The following HTR4 variants were observed in gnomAD, a reference collection of about 807,000 sequenced individuals.
The protein encoded by HTR4 is 5-hydroxytryptamine receptor 4, also known as 5-hydroxytryptamine (serotonin) receptor 4, G protein-coupled.
In HTR4, 16 loss-of-function variants were observed where a neutral mutation model predicts 36.8. That is an observed-to-expected ratio of 0.43 (90% CI 0.29 to 0.66). The LOEUF is 0.66. Ranked by LOEUF, HTR4 falls within the 30% of genes least tolerant of loss-of-function variation. The probability of loss-of-function intolerance (pLI) is 0.13; values close to 1 mark genes in which losing one functional copy is unlikely to be tolerated. For missense variants in HTR4, 438 were observed against 490.9 expected, an observed-to-expected ratio of 0.89 and a Z score of 1.02; for synonymous variants, 189 against 185.1, an observed-to-expected ratio of 1.02 and a Z score of -0.17.
intron 2 of HTR4, among the ~76,000 whole-genome samples, chr5:148,601,622 G>A (rs973395682): frequency 6.6e-5 from 10 of 152,186 alleles, no homozygotes; most frequent in African/African-American, 2.2e-4. Context: ...GCAACACAGT[G>A]AAACCTTCTC....
At chr5:148,618,146 C>T (rs1390404554) in intron 2 of HTR4, among the ~76,000 whole-genome samples, 2 of 152,130 alleles carry the variant, frequency 1.3e-5, no homozygotes, top group Non-Finnish European at 2.9e-5. Context: ...CCTTCTGAAC[C>T]AATCACTGTA....
intron 2 of HTR4, among the ~76,000 whole-genome samples, chr5:148,577,870 T>C (rs998421593): frequency 2.6e-5 from 4 of 151,932 alleles, no homozygotes; most frequent in Non-Finnish European, 4.4e-5. Context: ...TATTGGGTGC[T>C]GGGTTTAATT....
intron 2 of HTR4, among the ~76,000 whole-genome samples, chr5:148,572,594 C>G (rs1760719480): frequency 6.6e-6 from 1 of 152,120 alleles, no homozygotes; most frequent in Non-Finnish European, 1.5e-5. Context: ...CTTCAATGAG[C>G]TTGTGCTCTG....
chr5:148,468,883 T>C (rs186523151), intron 5 of HTR4, among the ~76,000 whole-genome samples: 8 of 152,130 alleles, frequency 5.3e-5, no homozygotes, highest in Non-Finnish European at 1.0e-4. Context: ...TCATGAGATC[T>C]GATAGTTTTA....
At chr5:148,586,754 C>A (rs1487889478) in intron 2 of HTR4, among the ~76,000 whole-genome samples, 1 of 151,996 alleles carries the variant, frequency 6.6e-6, no homozygotes, top group Non-Finnish European at 1.5e-5. Context: ...GTAGACAGGG[C>A]GAAGTTGGGG....
chr5:148,490,807 T>C, intron 6 of HTR4: 1 of 819,366 alleles, frequency 1.2e-6, no homozygotes, highest in Non-Finnish European at 1.8e-6. Flanking sequence ...CTCCCTCACA[T>C]TATGCAGAAG....
At chr5:148,472,228 A>G (rs1755586421), downstream of HTR4, among the ~76,000 whole-genome samples, 1 of 152,220 alleles carries the variant, frequency 6.6e-6, no homozygotes, top group Non-Finnish European at 1.5e-5. Context: ...GACTGGCATA[A>G]CAAGCCCTGA....
At chr5:148,595,450 C>T (rs76101242) in intron 2 of HTR4, among the ~76,000 whole-genome samples, 2,522 of 152,222 alleles carry the variant, frequency 0.017, 121 homozygotes, top group East Asian at 0.11. Flanking sequence ...CTGCTTCATC[C>T]CATTTTCCTC....
At chr5:148,528,625 TTGTC>T (rs1758402061) in intron 4 of HTR4, among the ~76,000 whole-genome samples, 1 of 152,184 alleles carries the variant, frequency 6.6e-6, no homozygotes, top group Non-Finnish European at 1.5e-5. Flanking sequence ...ATTTTAATAT[TTGTC>T]TGTAGATAAG....
At chr5:148,516,368 G>T (rs1757753466) in intron 5 of HTR4, among the ~76,000 whole-genome samples, 1 of 133,746 alleles carries the variant, frequency 7.5e-6, no homozygotes, top group South Asian at 2.3e-4. Context: ...CACCCAGGCT[G>T]GAGTGCAATG....
intron 2 of HTR4, among the ~76,000 whole-genome samples, chr5:148,591,101 C>G (rs1761550226): frequency 6.6e-6 from 1 of 152,070 alleles, no homozygotes; most frequent in Non-Finnish European, 1.5e-5. Flanking sequence ...TTACCCATTG[C>G]TTGTTTTTGT....
chr5:148,650,046 T>C (rs1366248281), intron 1 of HTR4, among the ~76,000 whole-genome samples: 8 of 152,010 alleles, frequency 5.3e-5, no homozygotes, highest in African/African-American at 1.9e-4. Context: ...TAAGTTTTAA[T>C]TTGTAATTTT....
intron 2 of HTR4, among the ~76,000 whole-genome samples, chr5:148,562,448 G>A (rs1760258230): frequency 2.6e-5 from 4 of 152,062 alleles, no homozygotes; most frequent in East Asian, 1.9e-4. Context: ...GGTTGACCAC[G>A]CCAGAAACTG....
intron 6 of HTR4, among the ~76,000 whole-genome samples, chr5:148,499,481 G>C (rs1191175736): frequency 6.6e-6 from 1 of 152,138 alleles, no homozygotes; most frequent in Non-Finnish European, 1.5e-5. Flanking sequence ...GAATTTTACA[G>C]TTATTTTTAT....
intron 3 of HTR4, among the ~76,000 whole-genome samples, chr5:148,549,415 T>C (rs1160621074): frequency 6.6e-6 from 1 of 152,170 alleles, no homozygotes; most frequent in East Asian, 1.9e-4. Context: ...ATTAGATGTG[T>C]GGATGTCTTA....
chr5:148,469,771 A>C (rs968015412), intron 5 of HTR4, among the ~76,000 whole-genome samples: 1 of 152,210 alleles, frequency 6.6e-6, no homozygotes, highest in Non-Finnish European at 1.5e-5. Flanking sequence ...TAGGATGCAA[A>C]GTATATCATT....
At chr5:148,523,943 G>A (rs968438464) in intron 4 of HTR4, among the ~76,000 whole-genome samples, 3 of 151,608 alleles carry the variant, frequency 2.0e-5, no homozygotes, top group Non-Finnish European at 2.9e-5. Flanking sequence ...TCTCAGATTT[G>A]TCCCCTTACC....
chr5:148,537,136 T>C (rs1024564045), intron 4 of HTR4, among the ~76,000 whole-genome samples: 5 of 152,138 alleles, frequency 3.3e-5, no homozygotes, highest in African/African-American at 4.8e-5. Context: ...TCCTGAATGA[T>C]GTGTGGGTAA....
chr5:148,598,783 A>G (rs1201807823), intron 2 of HTR4, among the ~76,000 whole-genome samples: 20 of 152,204 alleles, frequency 1.3e-4, no homozygotes, highest in Non-Finnish European at 2.9e-4. Context: ...TTGCCTGACT[A>G]CTAGCCTTCC....
Sources: allele counts gnomAD v4.1 joint callset (sites outside exome capture counted in the v4.1 genomes callset), GRCh38; gene constraint gnomAD v4.1.1; transcripts MANE v1.5; gene names NCBI Gene and HGNC (gene_info 2026-07-23, HGNC 2026-07-21).